CDH9: variants seen among roughly 807,000 people sequenced by gnomAD.
CDH9 encodes the protein cadherin-9.
CDH9 carries 28 observed loss-of-function variants against 70.9 expected under a neutral mutation model. The observed-to-expected ratio is 0.40, with a 90% CI of 0.29 to 0.54. The LOEUF is 0.54. Ranked by LOEUF, CDH9 falls within the 20% of genes least tolerant of loss-of-function variation. CDH9 has a pLI of 0.59. For missense variants in CDH9, 874 were observed against 984.4 expected (o/e 0.89, Z 1.50); for synonymous variants, 409 against 343.1 (o/e 1.19, Z -2.12).
intron 2 of CDH9, among the ~76,000 whole-genome samples, chr5:26,962,323 C>CT (rs1434837020): frequency 6.6e-6 from 1 of 152,048 alleles, no homozygotes; most frequent in Non-Finnish European, 1.5e-5. Flanking sequence ...ATTTATAATC[C>CT]TTTGGGTATA....
At chr5:26,934,133 T>A (rs191450708) in intron 2 of CDH9, among the ~76,000 whole-genome samples, 37 of 152,228 alleles carry the variant, frequency 2.4e-4, no homozygotes, top group Admixed American at 4.6e-4. Flanking sequence ...AGAAAGGTGC[T>A]AGGTTCTTTT....
chr5:26,926,923 C>CCCA (rs2112018977), intron 2 of CDH9, among the ~76,000 whole-genome samples: 1 of 122,890 alleles, frequency 8.1e-6, no homozygotes, highest in Non-Finnish European at 1.7e-5. Flanking sequence ...TACAGCCCCC[C>CCCA]CCCGCAAAAA....
At chr5:26,993,915 C>T (rs1742623794) in intron 1 of CDH9, among the ~76,000 whole-genome samples, 1 of 152,064 alleles carries the variant, frequency 6.6e-6, no homozygotes, top group African/African-American at 2.4e-5. Context: ...AGTGAGACCA[C>T]TGCCCCAGTG....
chr5:26,913,075 C>CT, intron 3 of CDH9, among the ~76,000 whole-genome samples: 1 of 152,216 alleles, frequency 6.6e-6, no homozygotes, highest in South Asian at 2.1e-4. Flanking sequence ...ATTAAATCTC[C>CT]TTTTCTTCCC....
At chr5:26,978,466 A>C (rs1742341089) in intron 2 of CDH9, among the ~76,000 whole-genome samples, 1 of 151,956 alleles carries the variant, frequency 6.6e-6, no homozygotes, top group Non-Finnish European at 1.5e-5. Context: ...AAATTTAAGC[A>C]CAGAGACAAT....
At chr5:26,906,639 A>T in intron 4 of CDH9, 80 bp downstream of exon 4, 2 of 1,510,566 alleles carry the variant, frequency 1.3e-6, no homozygotes, top group East Asian at 5.0e-5. Context: ...ATGGTTTTAA[A>T]ATATTTTAAA....
intron 2 of CDH9, among the ~76,000 whole-genome samples, chr5:26,922,536 C>CA (rs1238852077): frequency 6.6e-6 from 1 of 151,830 alleles, no homozygotes; most frequent in Non-Finnish European, 1.5e-5. Flanking sequence ...TTTACATAGA[C>CA]AAACAAAAGT....
intron 2 of CDH9, among the ~76,000 whole-genome samples, chr5:26,972,865 A>ATT (rs5866814): frequency 2.1e-5 from 3 of 143,342 alleles, no homozygotes; most frequent in Admixed American, 7.0e-5. Context: ...GTAAACTCAG[A>ATT]TTTTTTTTTT....
At chr5:26,949,180 AG>A (rs1741803340) in intron 2 of CDH9, among the ~76,000 whole-genome samples, 1 of 152,156 alleles carries the variant, frequency 6.6e-6, no homozygotes, top group Admixed American at 6.5e-5. Flanking sequence ...TGGCTTAACA[AG>A]GGCTACCAGT....
chr5:26,888,676 C>T (rs1740604967), intron 9 of CDH9, among the ~76,000 whole-genome samples: 1 of 152,206 alleles, frequency 6.6e-6, no homozygotes, highest in South Asian at 2.1e-4. Context: ...GCTGCCATAA[C>T]AATCCCACAC....
intron 2 of CDH9, among the ~76,000 whole-genome samples, chr5:26,978,673 GA>G (rs72432274): frequency 0.48 from 71,339 of 148,844 alleles, 17,661 homozygotes; most frequent in African/African-American, 0.52. Context: ...GAATTAAAAA[GA>G]AAAAAAAACA....
At chr5:26,940,046 C>T (rs1226984494) in intron 2 of CDH9, among the ~76,000 whole-genome samples, 1 of 151,938 alleles carries the variant, frequency 6.6e-6, no homozygotes, top group Non-Finnish European at 1.5e-5. Context: ...GTAATCCCAG[C>T]TAGTCAGGAG....
chr5:26,892,807 T>G (rs1027335129), intron 7 of CDH9, among the ~76,000 whole-genome samples: 63 of 152,054 alleles, frequency 4.1e-4, no homozygotes, highest in Non-Finnish European at 8.4e-4. Context: ...CTCGGCTCAC[T>G]GCAAGCTCCG....
At chr5:27,007,354 T>C (rs994729713) in intron 1 of CDH9, among the ~76,000 whole-genome samples, 1 of 152,010 alleles carries the variant, frequency 6.6e-6, no homozygotes, top group Non-Finnish European at 1.5e-5. Flanking sequence ...GGTAGGTGGA[T>C]GGGGAGGATG....
intron 1 of CDH9, among the ~76,000 whole-genome samples, chr5:26,990,036 G>T (rs74530876): frequency 0.012 from 1,863 of 152,200 alleles, 38 homozygotes; most frequent in African/African-American, 0.042. Flanking sequence ...TTAGAACCAG[G>T]TTTCAGACAC....
At chr5:26,957,017 A>G (rs1237558425) in intron 2 of CDH9, among the ~76,000 whole-genome samples, 17 of 93,328 alleles carry the variant, frequency 1.8e-4, no homozygotes, top group African/African-American at 6.1e-4. Context: ...TTTTTTTTTC[A>G]TTTCACTTTG....
intron 2 of CDH9, among the ~76,000 whole-genome samples, chr5:26,928,084 T>C (rs927117722): frequency 2.6e-5 from 4 of 152,110 alleles, no homozygotes; most frequent in Non-Finnish European, 4.4e-5. Context: ...TATAATCTTC[T>C]ATTTTGAAAA....
chr5:26,982,038 CTTG>C (rs1188672258), intron 2 of CDH9, among the ~76,000 whole-genome samples: 2 of 152,102 alleles, frequency 1.3e-5, no homozygotes, highest in African/African-American at 2.4e-5. Context: ...ACTTCTGTCA[CTTG>C]TTGTTTCCCT....
In CDH9 at chr5:26,902,807, C is replaced by A. The variant is rs566138767; in HGVS notation, c.1000-78G>T. On this transcript the variant is annotated intron_variant, in intron 6 of 11. Coordinates refer to ENST00000231021, the MANE Select transcript of CDH9 (RefSeq NM_016279.4). ...GAAAGACGATTTCAAATTTTAATAG[C>A]CAGCGATCATGATTATACCAACAAT... is the stretch of plus-strand genomic sequence containing the variant. The A allele has an allele frequency of 2.0e-5, 15 of 767,644 alleles. No homozygotes were observed. The South Asian group carries it at 2.6e-4, about 13-fold the overall frequency. 47.6% of individuals were successfully genotyped at this position (767,644 alleles called of 1,614,324 possible).
Sources: gnomAD v4.1 joint callset for allele counts (sites outside exome capture counted in the v4.1 genomes callset) on GRCh38, gnomAD v4.1.1 for gene constraint, MANE v1.5 for transcripts, NCBI Gene and HGNC (gene_info 2026-07-23, HGNC 2026-07-21) for gene names.